The following STRN4 variants were observed in gnomAD, a reference collection of about 807,000 sequenced individuals.
The protein encoded by STRN4 is striatin 4, also known as striatin-4.
STRN4 carries 27 observed loss-of-function variants against 77.9 expected under a neutral mutation model. The observed-to-expected ratio is 0.35, with a 90% CI of 0.26 to 0.48. STRN4 has a LOEUF of 0.48. Among genes scored for constraint, STRN4 ranks in the 20% least tolerant of loss-of-function variants. The pLI is 0.99. For synonymous variants in STRN4, 466 were observed against 443.1 expected (o/e 1.05, Z -0.65); for missense variants, 798 against 1,049.7 (o/e 0.76, Z 3.31).
intron 5 of STRN4, chr19:46,732,776 C>T: frequency 1.3e-5 from 6 of 464,492 alleles, no homozygotes; most frequent in South Asian, 8.9e-5. Context: ...CCCACTCGAC[C>T]GAGAAGCGGG....
chr19:46,726,882 T>C (rs2054129465), intron 9 of STRN4, among the ~76,000 whole-genome samples: 1 of 152,116 alleles, frequency 6.6e-6, no homozygotes. Context: ...AATGACATCT[T>C]GGGGCGTGCA....
At position 46,741,957 on chromosome 19, in the gene STRN4, C is replaced by T. The variant is rs761915652; in HGVS notation, c.283-3069G>A. 6.6e-6 allele frequency among the ~76,000 whole-genome samples: 1 copy of T among 152,232 alleles called. No individual in the cohort carries two copies. The highest frequency in any genetic ancestry group is 2.4e-5 in the African/African-American group (1 of 41,458). On this transcript the variant is annotated intron_variant, in intron 1 of 17. Transcript: ENST00000263280. This position sits in a 1 kb window ranked among gnomAD's most constrained non-coding sequence, Gnocchi z 4.9. The stretch of plus-strand genomic sequence containing the variant: ...AGCTCCGCACATTCTCTGCTGGCAC[C>T]GCACTCACTGCAGGTCCCTGTCGCT...
chr19:46,738,454 C>A lies in STRN4; in HGVS notation c.387-217G>T, dbSNP rs577186360. ...TTGCTCTCAGGGGTCCTTGAGGAAACCATCAGCCCTTGAAACCCCAGTTCC... is the reference window on the plus strand; with the variant it reads ...TTGCTCTCAGGGGTCCTTGAGGAAAACATCAGCCCTTGAAACCCCAGTTCC... On this transcript the variant is annotated intron_variant, in intron 2 of 17. Transcript: ENST00000263280. This position sits in a 1 kb window ranked among gnomAD's most constrained non-coding sequence, Gnocchi z 4.5. Among the ~76,000 whole-genome samples the A allele has an allele frequency of 7.2e-5, 11 of 152,206 alleles. No individual in the cohort carries two copies. Among genetic ancestry groups the A allele is most frequent in the African/African-American group, 2.6e-4 (11 of 41,518 alleles).
At chr19:46,721,086 G>A (rs2053965648) in intron 16 of STRN4, 3 of 260,196 alleles carry the variant, frequency 1.2e-5, no homozygotes, top group Non-Finnish European at 2.2e-5. Context: ...GCAACAGGAA[G>A]AGAAAGAAGA....
At chr19:46,745,027 TC>T (rs949975162) in intron 1 of STRN4, among the ~76,000 whole-genome samples, 3 of 149,516 alleles carry the variant, frequency 2.0e-5, no homozygotes, top group Non-Finnish European at 4.4e-5. Flanking sequence ...CATATCCCCT[TC>T]CCCCCAACCC....
At chr19:46,730,905 A>T (rs1366182281) in intron 5 of STRN4, 32 bp from the exon 6 acceptor site, 1 of 1,603,172 alleles carries the variant, frequency 6.2e-7, no homozygotes, top group Non-Finnish European at 8.5e-7. Context: ...AGGAGGCATG[A>T]GTCCTGGCAG....
chr19:46,727,192 G>A (rs532630690), intron 9 of STRN4, among the ~76,000 whole-genome samples: 27 of 152,330 alleles, frequency 1.8e-4, no homozygotes, highest in African/African-American at 6.0e-4. Flanking sequence ...GTGGCTACAG[G>A]TCATCTTCCT....
In STRN4 at chr19:46,746,215, G is replaced by A; in HGVS notation, c.216C>T (p.Ile72=). The A allele has an allele frequency of 3.3e-6, 5 of 1,537,800 alleles. No homozygotes were observed. The highest frequency in any genetic ancestry group is 4.3e-6 in the Non-Finnish European group (5 of 1,150,862). The change falls in exon 1 of 18, where the codon ATC becomes ATT. Residue 72 remains isoleucine (I), a synonymous_variant. Transcript: ENST00000263280. ...PLSLPGILHF[I]QHEWARFEAE... ...CTTCGAAGCGCGCCCACTCGTGCTG[G>A]ATAAAGTGCAGGATCCCCGGCAGGC...
intron 5 of STRN4, chr19:46,732,122 T>G (rs1463983939): frequency 6.6e-6 from 1 of 152,138 alleles, no homozygotes; most frequent in East Asian, 1.9e-4. Context: ...AGTCCTTCAG[T>G]GTCGACTGCC....
chr19:46,727,601 G>T (rs754494674), intron 8 of STRN4, 55 bp from the exon 9 acceptor site: 4 of 1,432,468 alleles, frequency 2.8e-6, no homozygotes, highest in Non-Finnish European at 3.9e-6. Flanking sequence ...GGCAGAGAGG[G>T]CCAGGGAGAG....
rs1250317309 is a variant in STRN4, at chr19:46,746,197, G to C, written c.234C>G (p.Arg78=). The C allele has an allele frequency of 1.8e-5, 28 of 1,539,818 alleles. No homozygotes were observed. The highest frequency in any genetic ancestry group is 2.4e-5 in the Non-Finnish European group (28 of 1,151,476). Residue 78 remains arginine (R), a synonymous_variant, in exon 1 of 18, where the codon CGC becomes CGG. Coordinates refer to ENST00000263280, the MANE Select transcript of STRN4 (RefSeq NM_013403.3). ...ILHFIQHEWA[R]FEAEKARWEA... ...CCCAGCGGGCTTTCTCGGCTTCGAA[G>C]CGCGCCCACTCGTGCTGGATAAAGT...
intron 6 of STRN4, 101 bp from the exon 7 acceptor site, chr19:46,728,878 T>G: frequency 6.6e-7 from 1 of 1,516,696 alleles, no homozygotes; most frequent in Non-Finnish European, 8.9e-7. Flanking sequence ...TGGGCCCGTT[T>G]CTGTTCATGG....
At chr19:46,729,415 C>T (rs1262736876) in intron 6 of STRN4, among the ~76,000 whole-genome samples, 1 of 152,188 alleles carries the variant, frequency 6.6e-6, no homozygotes, top group African/African-American at 2.4e-5. Context: ...TGACCCCTTC[C>T]ACATGTCAGC....
intron 7 of STRN4, chr19:46,728,412 C>A (rs559832105): frequency 1.2e-5 from 8 of 692,354 alleles, no homozygotes; most frequent in African/African-American, 1.8e-5. Flanking sequence ...GGACTGCCTG[C>A]GTCTCCATGG....
intron 17 of STRN4, 71 bp downstream of exon 17, chr19:46,720,465 G>T: frequency 9.2e-7 from 1 of 1,082,890 alleles, no homozygotes; most frequent in Non-Finnish European, 1.2e-6. Context: ...ACTGGACTGC[G>T]GGGCTCAGCA....
intron 5 of STRN4, 170 bp from the exon 6 acceptor site, chr19:46,731,043 C>A: frequency 1.1e-6 from 1 of 883,942 alleles, no homozygotes; most frequent in Non-Finnish European, 1.7e-6. Flanking sequence ...AGCCTCTGCC[C>A]AACAAATGCT....
chr19:46,737,347 T>C (rs899194459), intron 3 of STRN4, among the ~76,000 whole-genome samples: 5 of 152,222 alleles, frequency 3.3e-5, no homozygotes, highest in African/African-American at 1.2e-4. Context: ...GCTTAGTATT[T>C]TATTCAAGTC....
intron 5 of STRN4, 109 bp downstream of exon 5, chr19:46,732,930 G>A (rs2054284952): frequency 7.5e-7 from 1 of 1,332,796 alleles, no homozygotes; most frequent in South Asian, 1.4e-5. Flanking sequence ...CATACTCCAG[G>A]AGGAGGGGCC....
At chr19:46,743,335 A>G (rs2054506928) in intron 1 of STRN4, among the ~76,000 whole-genome samples, 1 of 152,242 alleles carries the variant, frequency 6.6e-6, no homozygotes, top group Non-Finnish European at 1.5e-5. Flanking sequence ...ACAAAGTGAC[A>G]GTGCTGGTAC....
Sources: allele counts gnomAD v4.1 joint callset (sites outside exome capture counted in the v4.1 genomes callset), GRCh38; gene constraint gnomAD v4.1.1; non-coding constraint Gnocchi (gnomAD v3.1); transcripts MANE v1.5; gene names NCBI Gene and HGNC (gene_info 2026-07-23, HGNC 2026-07-21).